CADM1: variants seen among roughly 807,000 people sequenced by gnomAD.
CADM1 encodes the protein TSLC-1.
A neutral mutation model predicts 53.1 loss-of-function variants in CADM1; 15 were observed. The observed-to-expected ratio is 0.28, with a 90% CI of 0.19 to 0.44. The LOEUF (loss-of-function observed/expected upper bound fraction) is 0.44. Among genes scored for constraint, CADM1 ranks in the 20% least tolerant of loss-of-function variants. The pLI, the probability that CADM1 is intolerant of heterozygous loss-of-function variation, is 1.00. For missense variants in CADM1, 434 were observed against 611.3 expected, an observed-to-expected ratio of 0.71 and a Z score of 3.06; for synonymous variants, 281 against 243.0, an observed-to-expected ratio of 1.16 and a Z score of -1.45.
intron 1 of CADM1, among the ~76,000 whole-genome samples, chr11:115,419,556 C>T (rs1947701454): frequency 6.6e-6 from 1 of 152,130 alleles, no homozygotes; most frequent in South Asian, 2.1e-4. Flanking sequence ...TTCCAGTTTG[C>T]AAAAGTCTCC....
chr11:115,447,551 G>A (rs1305619822), intron 1 of CADM1, among the ~76,000 whole-genome samples: 2 of 152,108 alleles, frequency 1.3e-5, no homozygotes, highest in African/African-American at 4.8e-5. Context: ...ATCTTTATCA[G>A]TAGATGGTGC....
intron 10 of CADM1, among the ~76,000 whole-genome samples, chr11:115,181,884 G>A (rs979338682): frequency 6.6e-6 from 1 of 152,210 alleles, no homozygotes; most frequent in African/African-American, 2.4e-5. Flanking sequence ...GCAAGATGCT[G>A]CCCAGGGGGG....
At position 115,251,428 on chromosome 11, in the gene CADM1, C is replaced by A. The variant is rs573738074; in HGVS notation, c.125-11008G>T. On this transcript the variant is annotated intron_variant, in intron 1 of 11. Transcript: ENST00000331581. ...CAGAGTGAATGTCAGTTTCAACTGA[C>A]ATTACTACAGAAACAGAAAATTGGG... Among the ~76,000 whole-genome samples, 9 of 101,744 alleles carry A rather than the reference C, an allele frequency of 8.8e-5. No homozygotes were observed. In the South Asian group the frequency reaches 3.8e-3, roughly 42 times the overall value. The allele number at this position is 101,744 out of a possible 152,430, so 66.7% of individuals were successfully genotyped here. A position where few individuals can be genotyped will look rare whatever the true frequency, so the allele number is the denominator to read the frequency against.
Position 115,445,708 on chromosome 11 carries a change from G to A in CADM1, c.124+58563C>T, listed in dbSNP as rs934577787. 5.3e-5 allele frequency: 23 copies of A among 434,864 alleles called. No individual in the cohort carries two copies. The Middle Eastern group carries it at 1.8e-3, about 35-fold the overall frequency. The allele number at this position is 434,864 out of a possible 1,614,324, so 26.9% of individuals were successfully genotyped here. On this transcript the variant is annotated intron_variant, in intron 1 of 11. Coordinates refer to ENST00000331581, the MANE Select transcript of CADM1 (RefSeq NM_001301043.2). ...AAAATTTAAAAATTAGCTGGGCGTG[G>A]TAGTGTGCACCTGTAGTCCCAGCTA...
At chr11:115,303,575 A>G (rs569278705) in intron 1 of CADM1, among the ~76,000 whole-genome samples, 4 of 152,088 alleles carry the variant, frequency 2.6e-5, no homozygotes, top group Non-Finnish European at 5.9e-5. Context: ...CTCATAGGTC[A>G]TTAGTGCAAA....
intron 10 of CADM1, among the ~76,000 whole-genome samples, chr11:115,182,305 G>A (rs984633317): frequency 3.9e-5 from 6 of 152,158 alleles, no homozygotes; most frequent in Admixed American, 1.3e-4. Context: ...ACATCACTTC[G>A]GTTTAGAAAG....
At chr11:115,337,194 T>C (rs1945289656) in intron 1 of CADM1, among the ~76,000 whole-genome samples, 1 of 152,178 alleles carries the variant, frequency 6.6e-6, no homozygotes, top group Admixed American at 6.6e-5. Context: ...AGCTCTGATA[T>C]GCTTCTGCAA....
intron 1 of CADM1, among the ~76,000 whole-genome samples, chr11:115,325,678 C>G (rs1944941117): frequency 6.6e-6 from 1 of 152,130 alleles, no homozygotes; most frequent in East Asian, 1.9e-4. Context: ...TCATCTCTGC[C>G]TGACTATAAC....
chr11:115,204,903 AG>A (rs1940604785), intron 8 of CADM1, among the ~76,000 whole-genome samples: 4 of 152,354 alleles, frequency 2.6e-5, no homozygotes, highest in African/African-American at 9.6e-5. Context: ...TTGAGTACTT[AG>A]ATACCAATAA....
At chr11:115,396,849 T>TC (rs1591777188) in intron 1 of CADM1, 1 of 151,774 alleles carries the variant, frequency 6.6e-6, no homozygotes, top group East Asian at 1.9e-4. Context: ...ATAAGCGTTC[T>TC]CTTTTTTTTT....
intron 10 of CADM1, among the ~76,000 whole-genome samples, chr11:115,182,656 A>G (rs1454614659): frequency 6.6e-6 from 1 of 152,136 alleles, no homozygotes; most frequent in East Asian, 1.9e-4. Flanking sequence ...TCAGAGGTAG[A>G]AAGCTTGGTG....
chr11:115,496,679 G>A (rs1949622732), intron 1 of CADM1, among the ~76,000 whole-genome samples: 1 of 152,112 alleles, frequency 6.6e-6, no homozygotes, highest in African/African-American at 2.4e-5. Flanking sequence ...TAGAGTAGGG[G>A]GAACTGGCTA....
chr11:115,356,528 T>C (rs1314853204), intron 1 of CADM1, among the ~76,000 whole-genome samples: 1 of 151,972 alleles, frequency 6.6e-6, no homozygotes, highest in Non-Finnish European at 1.5e-5. Context: ...AGTAAATAAA[T>C]AAATAGGGGA....
chr11:115,330,163 G>C (rs1378035906), intron 1 of CADM1, among the ~76,000 whole-genome samples: 2 of 151,860 alleles, frequency 1.3e-5, no homozygotes, highest in African/African-American at 2.4e-5. Flanking sequence ...GTATTTCCCT[G>C]CCTCCTGTCC....
Position 115,462,081 on chromosome 11 carries a change from G to T in CADM1, c.124+42190C>A, listed in dbSNP as rs1166730358. On this transcript the variant is annotated intron_variant, in intron 1 of 11. Transcript: ENST00000331581. The stretch of plus-strand genomic sequence containing the variant: ...CTGCCAAATAATGCTATCCAAAGAG[G>T]TACAGGCAGTGCTGCAGAACAAATG... Among the ~76,000 whole-genome samples the T allele has an allele frequency of 3.3e-5, 5 of 152,146 alleles. 1 individual carries two copies. The highest frequency in any genetic ancestry group is 1.2e-4 in the African/African-American group (5 of 41,432).
At chr11:115,397,433 A>T (rs1565405587) in intron 1 of CADM1, 1 of 152,172 alleles carries the variant, frequency 6.6e-6, no homozygotes, top group Non-Finnish European at 1.5e-5. Flanking sequence ...ACTCTCCCAC[A>T]AAATGAAAAG....
intron 1 of CADM1, among the ~76,000 whole-genome samples, chr11:115,259,521 G>T (rs1942904164): frequency 6.6e-6 from 1 of 152,024 alleles, no homozygotes; most frequent in Admixed American, 6.5e-5. Flanking sequence ...GGCCAGGCTG[G>T]TCTCAAACTC....
intron 8 of CADM1, among the ~76,000 whole-genome samples, chr11:115,209,238 T>C (rs961392640): frequency 5.3e-5 from 8 of 152,226 alleles, no homozygotes; most frequent in African/African-American, 1.9e-4. Flanking sequence ...CCACAGTACT[T>C]ACCATTTCAT....
chr11:115,369,226 T>A (rs1287404774), intron 1 of CADM1, among the ~76,000 whole-genome samples: 7 of 151,974 alleles, frequency 4.6e-5, no homozygotes, highest in Non-Finnish European at 7.4e-5. Flanking sequence ...GAAAGCTAAT[T>A]TCCACAGCAC....
Sources: allele counts gnomAD v4.1 joint callset (sites outside exome capture counted in the v4.1 genomes callset), GRCh38; gene constraint gnomAD v4.1.1; transcripts MANE v1.5; gene names NCBI Gene and HGNC (gene_info 2026-07-23, HGNC 2026-07-21).